The following WWC2 variants were observed in gnomAD, a reference collection of about 807,000 sequenced individuals.
WWC2 encodes the protein protein WWC2.
A neutral mutation model predicts 138.5 loss-of-function variants in WWC2; 101 were observed. The observed-to-expected ratio is 0.73, with a 90% CI of 0.62 to 0.86. The LOEUF (loss-of-function observed/expected upper bound fraction) is 0.86. Ranked by LOEUF, WWC2 falls within the 40% of genes least tolerant of loss-of-function variation. WWC2 has a pLI of 0.00. For synonymous variants in WWC2, 558 were observed against 538.4 expected (o/e 1.04, Z -0.50); for missense variants, 1,420 against 1,419.4 (o/e 1.00, Z -0.01).
intron 9 of WWC2, among the ~76,000 whole-genome samples, chr4:183,254,613 G>C (rs911788402): frequency 1.3e-5 from 2 of 152,200 alleles, no homozygotes; most frequent in African/African-American, 2.4e-5. Context: ...GGAATGTTAA[G>C]TGAAGGGACC....
At position 183,261,302 on chromosome 4, in the gene WWC2, C is replaced by T. The variant is rs753814928; in HGVS notation, c.1679C>T (p.Ser560Phe). The T allele has an allele frequency of 6.2e-7, 1 of 1,613,680 alleles. No homozygotes were observed. The highest frequency in any genetic ancestry group is 8.5e-7 in the Non-Finnish European group (1 of 1,179,776). ...CTTTCCTCCTTGTCTCCTCCAGGCTCTCCCTTGGTTTTGGAAGGCACGTTT... is the reference window on the plus strand; with the variant it reads ...CTTTCCTCCTTGTCTCCTCCAGGCTTTCCCTTGGTTTTGGAAGGCACGTTT... ...SSLSSLSPPGSPLVLEGTFPM... is the reference protein window; with the variant it reads ...SSLSSLSPPGFPLVLEGTFPM... Residue 560 changes from serine (S) to phenylalanine (F), a missense_variant, in exon 11 of 23, where the codon TCT (serine) becomes TTT (phenylalanine). By Grantham distance (155) the Ser-to-Phe change is radical. Coordinates refer to ENST00000403733, the MANE Select transcript of WWC2 (RefSeq NM_024949.6).
intron 4 of WWC2, among the ~76,000 whole-genome samples, chr4:183,216,715 A>G (rs1735767205): frequency 6.6e-6 from 1 of 152,216 alleles, no homozygotes; most frequent in South Asian, 2.1e-4. Context: ...TGAGTTGATG[A>G]GACAGAAGAG....
rs1030486601 is a variant in WWC2, at chr4:183,319,445, A to C, written c.*3716A>C. 206 of 1,130,864 alleles carry C rather than the reference A, an allele frequency of 1.8e-4. 1 individual carries two copies. The highest frequency in any genetic ancestry group is 2.4e-5 in the Non-Finnish European group (19 of 789,472). 70.1% of individuals were successfully genotyped at this position (1,130,864 alleles called of 1,614,324 possible). On this transcript the variant is annotated 3_prime_UTR_variant, in exon 23 of 23. Coordinates refer to ENST00000403733, the MANE Select transcript of WWC2 (RefSeq NM_024949.6). ...ACTATAGTTTAATAGCCACAGGAAA[A>C]GATGCATTTTCAAAAATCAAAAGCA...
chr4:183,151,143 A>G (rs951927514), intron 1 of WWC2, among the ~76,000 whole-genome samples: 1 of 152,170 alleles, frequency 6.6e-6, no homozygotes, highest in Non-Finnish European at 1.5e-5. Flanking sequence ...GAACGAATTT[A>G]TACTCCCACC....
At chr4:183,110,947 C>T (rs1395568938) in intron 1 of WWC2, among the ~76,000 whole-genome samples, 1 of 151,788 alleles carries the variant, frequency 6.6e-6, no homozygotes, top group Non-Finnish European at 1.5e-5. Context: ...GATTAAAATC[C>T]TGATTTACAG....
intron 5 of WWC2, among the ~76,000 whole-genome samples, chr4:183,240,918 C>T (rs1736596774): frequency 6.6e-6 from 1 of 152,148 alleles, no homozygotes; most frequent in African/African-American, 2.4e-5. Flanking sequence ...TGAGGATATC[C>T]CTTCCGCATT....
intron 14 of WWC2, among the ~76,000 whole-genome samples, chr4:183,266,940 A>G (rs571261399): frequency 6.6e-6 from 1 of 152,324 alleles, no homozygotes; most frequent in East Asian, 1.9e-4. Flanking sequence ...CTAACATTCC[A>G]ATAATCATCA....
intron 21 of WWC2, among the ~76,000 whole-genome samples, chr4:183,307,996 A>G (rs1277107482): frequency 6.6e-6 from 1 of 152,238 alleles, no homozygotes; most frequent in Non-Finnish European, 1.5e-5. Context: ...ACAAACAGAA[A>G]CAACTCTGGG....
chr4:183,129,974 T>A (rs1366953925), intron 1 of WWC2, among the ~76,000 whole-genome samples: 1 of 152,178 alleles, frequency 6.6e-6, no homozygotes. Context: ...TTTTCTCTAC[T>A]TTCAGCACCT....
intron 1 of WWC2, among the ~76,000 whole-genome samples, chr4:183,183,716 T>TGCA (rs369574740): frequency 0.014 from 2,091 of 151,934 alleles, 44 homozygotes; most frequent in African/African-American, 0.049. Context: ...AGGTTGAGGC[T>TGCA]GTAGTGAGCT....
intron 21 of WWC2, among the ~76,000 whole-genome samples, chr4:183,311,649 G>A (rs1318511258): frequency 4.7e-5 from 7 of 147,546 alleles, no homozygotes; most frequent in East Asian, 4.0e-4. Flanking sequence ...GCGCGATCTC[G>A]GCTCACTGCA....
chr4:183,290,153 T>A (rs192321029), intron 21 of WWC2, among the ~76,000 whole-genome samples: 17 of 152,326 alleles, frequency 1.1e-4, no homozygotes, highest in Non-Finnish European at 2.1e-4. Flanking sequence ...TTTTGCTTAT[T>A]GACATTCTCC....
At chr4:183,133,544 T>G (rs1458886275) in intron 1 of WWC2, among the ~76,000 whole-genome samples, 1 of 152,222 alleles carries the variant, frequency 6.6e-6, no homozygotes, top group Non-Finnish European at 1.5e-5. Context: ...TCGCCCAGGC[T>G]GGAGTGCAAT....
At chr4:183,139,046 G>A (rs1460306564) in intron 1 of WWC2, among the ~76,000 whole-genome samples, 4 of 152,122 alleles carry the variant, frequency 2.6e-5, no homozygotes, top group Non-Finnish European at 5.9e-5. Flanking sequence ...CGATTGTAGT[G>A]GAGGTTTGTA....
intron 1 of WWC2, among the ~76,000 whole-genome samples, chr4:183,154,741 C>G (rs1322387034): frequency 6.6e-6 from 1 of 152,174 alleles, no homozygotes; most frequent in Non-Finnish European, 1.5e-5. Flanking sequence ...CAGCCATCCC[C>G]CACATTCCCC....
At chr4:183,263,564 G>A (rs1243581364) in intron 11 of WWC2, among the ~76,000 whole-genome samples, 1 of 152,200 alleles carries the variant, frequency 6.6e-6, no homozygotes, top group East Asian at 1.9e-4. Context: ...TTTGATTGCA[G>A]ATAATATTCA....
intron 4 of WWC2, among the ~76,000 whole-genome samples, chr4:183,212,020 G>A (rs1295843063): frequency 4.0e-5 from 6 of 151,780 alleles, no homozygotes; most frequent in Admixed American, 2.6e-4. Context: ...ATGGGGTTTC[G>A]CCATGTTGGC....
chr4:183,261,410 A>G lies in WWC2; in HGVS notation c.1787A>G (p.Asp596Gly). ...EDCELSSHFADISLIENQILL... is the reference protein window; with the variant it reads ...EDCELSSHFAGISLIENQILL... The stretch of plus-strand genomic sequence containing the variant: ...TGTGAGTTGAGTAGCCATTTTGCAG[A>G]TATCAGCCTCATCGAAAATCAGATT... Residue 596 changes from aspartate to glycine, a missense_variant, in exon 11 of 23, where the codon GAT becomes GGT. Asp to Gly is a moderately conservative substitution (Grantham distance 94, BLOSUM62 -1). Coordinates refer to ENST00000403733, the MANE Select transcript of WWC2 (RefSeq NM_024949.6). 1 of 1,613,036 alleles carries G rather than the reference A, an allele frequency of 6.2e-7. No individual in the cohort carries two copies.
At chr4:183,206,701 A>T (rs558481475) in intron 2 of WWC2, among the ~76,000 whole-genome samples, 1 of 152,134 alleles carries the variant, frequency 6.6e-6, no homozygotes, top group Non-Finnish European at 1.5e-5. Flanking sequence ...TTCACAGCAG[A>T]GGGGTCCAGT....
Sources: gnomAD v4.1 joint callset for allele counts (sites outside exome capture counted in the v4.1 genomes callset) on GRCh38, gnomAD v4.1.1 for gene constraint, MANE v1.5 for transcripts, NCBI Gene and HGNC (gene_info 2026-07-23, HGNC 2026-07-21) for gene names.